The following DIDO1 variants were observed in gnomAD, a reference collection of about 807,000 sequenced individuals.
DIDO1 encodes the protein death inducer-obliterator 1, also known as death-inducer obliterator 1.
Under a neutral mutation model 99.4 loss-of-function variants are expected in DIDO1, and 16 were observed. The observed-to-expected ratio is 0.16, with a 90% CI of 0.11 to 0.24. The LOEUF is 0.24. Ranked by LOEUF, DIDO1 falls within the 10% of genes least tolerant of loss-of-function variation. DIDO1 has a pLI of 1.00. For missense variants in DIDO1, 2,996 were observed against 3,014.0 expected (o/e 0.99, Z 0.14); for synonymous variants, 1,366 against 1,239.1 (o/e 1.10, Z -2.15).
Position 62,894,495 on chromosome 20 carries a change from G to C in DIDO1, c.2490C>G (p.Leu830=), listed in dbSNP as rs779055361. Reference sequence around the variant, plus strand: ...CTTTCAACATGCTGCTGAAGACGTCGAGAAGCGGCGCTGTGCTCTTCTCAG... The same window carrying C: ...CTTTCAACATGCTGCTGAAGACGTCCAGAAGCGGCGCTGTGCTCTTCTCAG... ...AVPEKSTAPL[L]DVFSSMLKDT... The change falls in exon 11 of 16, where the codon CTC becomes CTG. Residue 830 remains leucine (L), a synonymous_variant. Coordinates refer to ENST00000395343, the MANE Select transcript of DIDO1 (RefSeq NM_001193369.2). This position sits in a 1 kb window ranked among gnomAD's most constrained non-coding sequence, Gnocchi z 4.4. The C allele has an allele frequency of 1.2e-6, 2 of 1,613,214 alleles. No individual in the cohort carries two copies. The highest frequency in any genetic ancestry group is 1.3e-5 in the African/African-American group (1 of 74,892).
chr20:62,879,672 G>C lies in DIDO1; in HGVS notation c.6284C>G (p.Pro2095Arg). Residue 2095 changes from proline to arginine, a missense_variant, in exon 16 of 16, where the codon CCC (proline) becomes CGC (arginine). Pro to Arg is a moderately radical substitution (Grantham distance 103). Transcript: ENST00000395343. The surrounding 1 kb of genome is among the most constrained non-coding windows in gnomAD (Gnocchi z 6.3). ...GGGCTCCTCCAGCGGCTTCTCTTTG[G>C]GCCCCACGTCAAACCGCTCTCTCTG... ...GRQRERFDVG[P>R]KEKPLEEPDA... 6.2e-7 allele frequency: 1 copy of C among 1,609,386 alleles called. No homozygotes were observed. The highest frequency in any genetic ancestry group is 8.5e-7 in the Non-Finnish European group (1 of 1,179,800).
chr20:62,897,018 C>G, intron 6 of DIDO1, 22 bp from the exon 7 acceptor site: 2 of 1,595,562 alleles, frequency 1.3e-6, no homozygotes, highest in South Asian at 2.3e-5. Flanking sequence ...AACACAGGCG[C>G]TGAGTAAGGG....
Position 62,896,574 on chromosome 20 carries a change from G to A in DIDO1, c.2011C>T (p.Arg671Trp). 6.3e-7 allele frequency: 1 copy of A among 1,595,058 alleles called. No individual in the cohort carries two copies. Among genetic ancestry groups the A allele is most frequent in the Non-Finnish European group, 8.5e-7 (1 of 1,171,618 alleles). The change falls in exon 7 of 16, where the codon CGG (arginine) becomes TGG (tryptophan). Residue 671 changes from arginine to tryptophan, a missense_variant. This residue lies in a region of DIDO1 where 898 missense variants were observed against 972.7 expected (regional missense o/e 0.92). Coordinates refer to ENST00000395343, the MANE Select transcript of DIDO1 (RefSeq NM_001193369.2). This position sits in a 1 kb window ranked among gnomAD's most constrained non-coding sequence, Gnocchi z 4.4. The stretch of plus-strand genomic sequence containing the variant: ...TTTAAGGAGCGTCTGATATTTTGCC[G>A]AATTTGTGAATTTGGCTGCGATGGT... ...AAPSQPNSQI[R>W]QNIRRSLKEI... is the part of the protein sequence containing the mutation.
At chr20:62,890,481 T>A (rs1311534925) in intron 15 of DIDO1, 4 of 992,996 alleles carry the variant, frequency 4.0e-6, no homozygotes, top group Non-Finnish European at 4.8e-6. Flanking sequence ...CTGCAGATTT[T>A]AAAATAATTA....
rs1409948347 is a variant in DIDO1, at chr20:62,889,280, G to A, written c.3541+1680C>T. Reference sequence around the variant, plus strand: ...TTGCTGTGGGGAGAATGGAGGCGCCGCTCCTCTGGTGGCCTCCCTGGGCCC... The same window carrying A: ...TTGCTGTGGGGAGAATGGAGGCGCCACTCCTCTGGTGGCCTCCCTGGGCCC... On this transcript the variant is annotated intron_variant, in intron 15 of 15. Coordinates refer to ENST00000395343, the MANE Select transcript of DIDO1 (RefSeq NM_001193369.2). 7.1e-6 allele frequency: 7 copies of A among 985,456 alleles called. No homozygotes were observed. The South Asian group carries it at 1.4e-4, about 20-fold the overall frequency. The allele number at this position is 985,456 out of a possible 1,614,324, so 61.0% of individuals were successfully genotyped here.
chr20:62,910,056 G>A (rs774105268), intron 3 of DIDO1, 36 bp from the exon 4 acceptor site: 28 of 1,581,324 alleles, frequency 1.8e-5, no homozygotes, highest in South Asian at 1.7e-4. Context: ...GCAATGGGAC[G>A]TGAGTGACAA....
chr20:62,897,192 C>T (rs759872289), intron 6 of DIDO1, among the ~76,000 whole-genome samples, 196 bp from the exon 7 acceptor site: 32 of 152,162 alleles, frequency 2.1e-4, no homozygotes, highest in Non-Finnish European at 2.8e-4. Flanking sequence ...GCATTTATGA[C>T]GGTGACTACA....
chr20:62,921,986 C>G (rs527388607), intron 1 of DIDO1, among the ~76,000 whole-genome samples: 228 of 149,340 alleles, frequency 1.5e-3, no homozygotes, highest in African/African-American at 5.3e-3. Context: ...TACATATGTC[C>G]ACAATATATA....
At position 62,910,938 on chromosome 20, in the gene DIDO1, A is replaced by C. The variant is rs376820077; in HGVS notation, c.675T>G (p.Val225=). ...TGTCATCTTTCCCAGCCTGGGACAC[A>C]ACCCCCTGATCGTTCTCGGGCTCCT... is the stretch of plus-strand genomic sequence containing the variant. ...SKQEPENDQG[V]VSQAGKDDRE... The change falls in exon 3 of 16, where the codon GTT becomes GTG. Residue 225 remains valine (V), a synonymous_variant. Coordinates refer to ENST00000395343, the MANE Select transcript of DIDO1 (RefSeq NM_001193369.2). 20 of 1,613,894 alleles carry C rather than the reference A, an allele frequency of 1.2e-5. No individual in the cohort carries two copies. Among genetic ancestry groups the C allele is most frequent in the Non-Finnish European group, 1.4e-5 (17 of 1,180,016 alleles).
In DIDO1 at chr20:62,909,811, C is replaced by T. The variant is rs775852609; in HGVS notation, c.1049G>A (p.Cys350Tyr). Residue 350 changes from cysteine to tyrosine, a missense_variant, in exon 4 of 16, where the codon TGT (cysteine) becomes TAT (tyrosine). Coordinates refer to ENST00000395343, the MANE Select transcript of DIDO1 (RefSeq NM_001193369.2). ...WRPGDADGTD[C>Y]TSIGTIEQKS... ...CTGCTCTATTGTTCCTATACTTGTA[C>T]AATCGGTGCCATCAGCATCTCCAGG... is the stretch of plus-strand genomic sequence containing the variant. The T allele has an allele frequency of 6.2e-7, 1 of 1,614,262 alleles. No individual in the cohort carries two copies. The highest frequency in any genetic ancestry group is 1.3e-5 in the African/African-American group (1 of 75,066).
chr20:62,921,915 T>A (rs1418433727), intron 1 of DIDO1, among the ~76,000 whole-genome samples: 1 of 149,558 alleles, frequency 6.7e-6, no homozygotes, highest in Non-Finnish European at 1.5e-5. Flanking sequence ...ACAATATATA[T>A]ACACTATATA....
Position 62,906,012 on chromosome 20 carries a change from C to T in DIDO1, c.1463G>A (p.Arg488Gln), listed in dbSNP as rs201576453. 1.2e-5 allele frequency: 19 copies of T among 1,614,006 alleles called. No individual in the cohort carries two copies. The highest frequency in any genetic ancestry group is 9.3e-5 in the African/African-American group (7 of 75,056). ...TGCTTCCTTCCCGAGTGCTTCACTC[C>T]GCGCAGGGACCACCACTGCCTTCTT... ...TVKKAVVVPA[R>Q]SEALGKEAAC... The change falls in exon 6 of 16, where the codon CGG becomes CAG. Residue 488 changes from arginine (R) to glutamine (Q), a missense_variant. Coordinates refer to ENST00000395343, the MANE Select transcript of DIDO1 (RefSeq NM_001193369.2).
Position 62,879,794 on chromosome 20 carries a change from C to G in DIDO1, c.6162G>C (p.Ala2054=). The G allele has an allele frequency of 6.2e-7, 1 of 1,611,238 alleles. No individual in the cohort carries two copies. Among genetic ancestry groups the G allele is most frequent in the Non-Finnish European group, 8.5e-7 (1 of 1,179,706 alleles). The change falls in exon 16 of 16, where the codon GCG becomes GCC. Residue 2054 remains alanine, a synonymous_variant. Transcript: ENST00000395343. The surrounding 1 kb of genome is among the most constrained non-coding windows in gnomAD (Gnocchi z 6.3). ...CGTCGGCCTCGGGGCCCTGTCCGGG[C>G]GCACTGGAGGAGAGCGCGGAGGGCG... The part of the protein sequence containing the change: ...AGPPSALSSS[A]PGQGPEADGQ...
At chr20:62,900,334 C>T (rs2064639056) in intron 6 of DIDO1, among the ~76,000 whole-genome samples, 1 of 152,264 alleles carries the variant, frequency 6.6e-6, no homozygotes, top group Non-Finnish European at 1.5e-5. Context: ...AGCAGGTCGT[C>T]GTCGTGCACA....
In DIDO1 at chr20:62,895,099, C is replaced by G. The variant is rs995373378; in HGVS notation, c.2281G>C (p.Glu761Gln). The change falls in exon 9 of 16, where the codon GAA becomes CAA. Residue 761 changes from glutamate (E) to glutamine (Q), a missense_variant. This residue lies in a region of DIDO1 where 898 missense variants were observed against 972.7 expected (regional missense o/e 0.92). Transcript: ENST00000395343. The part of the protein sequence containing the change: ...LAKLVRLKPE[E>Q]LVSKELSTWK... The stretch of plus-strand genomic sequence containing the variant: ...GTGGAAAGCTCTTTAGATACAAGTT[C>G]TTCTGGCTTCAGTCTCACAAGTTTC... 5.0e-6 allele frequency: 8 copies of G among 1,612,116 alleles called. No homozygotes were observed. Among genetic ancestry groups the G allele is most frequent in the Non-Finnish European group, 6.8e-6 (8 of 1,178,252 alleles).
intron 1 of DIDO1, among the ~76,000 whole-genome samples, chr20:62,920,184 C>G (rs2065109904): frequency 6.6e-6 from 1 of 152,164 alleles, no homozygotes; most frequent in Non-Finnish European, 1.5e-5. Flanking sequence ...AGTGTGAGCT[C>G]CCCGGGTACC....
At position 62,896,189 on chromosome 20, in the gene DIDO1, G is replaced by T. The variant is rs571411398; in HGVS notation, c.2214+44C>A. On this transcript the variant is annotated intron_variant, in intron 8 of 15. Coordinates refer to ENST00000395343, the MANE Select transcript of DIDO1 (RefSeq NM_001193369.2). The surrounding 1 kb of genome is among the most constrained non-coding windows in gnomAD (Gnocchi z 4.4). ...TTGGTTGATCCCTTTAGCACCCAGC[G>T]AACAGAACAGGAATACTCCAATGCA... 1 of 1,574,784 alleles carries T rather than the reference G, an allele frequency of 6.4e-7. No homozygotes were observed. The highest frequency in any genetic ancestry group is 1.2e-5 in the South Asian group (1 of 86,780).
Position 62,911,407 on chromosome 20 carries a change from T to C in DIDO1, c.206A>G (p.Lys69Arg), listed in dbSNP as rs776150143. The C allele has an allele frequency of 6.2e-7, 1 of 1,611,646 alleles. No individual in the cohort carries two copies. The highest frequency in any genetic ancestry group is 1.1e-5 in the South Asian group (1 of 90,944). ...GAACTGCTCCACGCGCTCAGTGCGC[T>C]TGGGCTGCCTCCCACTGCGCCGCAG... is the stretch of plus-strand genomic sequence containing the variant. ...LSLRRSGRQPKRTERVEQFLT... is the reference protein window; with the variant it reads ...LSLRRSGRQPRRTERVEQFLT... Residue 69 changes from lysine (K) to arginine (R), a missense_variant, in exon 3 of 16, where the codon AAG becomes AGG. Physicochemically the swap from Lys to Arg is conservative, Grantham distance 26. Transcript: ENST00000395343. This position sits in a 1 kb window ranked among gnomAD's most constrained non-coding sequence, Gnocchi z 7.0.
chr20:62,880,955 G>A lies in DIDO1; in HGVS notation c.5001C>T (p.Ala1667=), dbSNP rs747441638. ...GCTGCAGCGGGAAGCCGGGCTGCAGGGCGCCGCAAGGCGGTGTGGGCAGCA... is the reference window on the plus strand; with the variant it reads ...GCTGCAGCGGGAAGCCGGGCTGCAGAGCGCCGCAAGGCGGTGTGGGCAGCA... ...RVLLPTPPCG[A]LQPGFPLQHD... Residue 1667 remains alanine (A), a synonymous_variant, in exon 16 of 16, where the codon GCC becomes GCT. Transcript: ENST00000395343. 1.2e-6 allele frequency: 2 copies of A among 1,607,020 alleles called. No individual in the cohort carries two copies. Among genetic ancestry groups the A allele is most frequent in the Admixed American group, 3.3e-5 (2 of 59,966 alleles).
Sources: allele counts gnomAD v4.1 joint callset (sites outside exome capture counted in the v4.1 genomes callset), GRCh38; gene constraint gnomAD v4.1.1; regional missense constraint gnomAD v4.1.1; non-coding constraint Gnocchi (gnomAD v3.1); transcripts MANE v1.5; gene names NCBI Gene and HGNC (gene_info 2026-07-23, HGNC 2026-07-21).